LLGL2: variants seen among roughly 807,000 people sequenced by gnomAD.
The protein encoded by LLGL2 is LLGL scribble cell polarity complex component 2.
A neutral mutation model predicts 123.2 loss-of-function variants in LLGL2; 81 were observed. That is an observed-to-expected ratio of 0.66 (90% confidence interval 0.55 to 0.79). LLGL2 has a LOEUF of 0.79. Among genes scored for constraint, LLGL2 ranks in the 30% least tolerant of loss-of-function variants. The pLI is 0.00. For synonymous variants in LLGL2, 577 were observed against 594.1 expected (o/e 0.97, Z 0.42); for missense variants, 1,273 against 1,414.6 (o/e 0.90, Z 1.61).
In LLGL2 at chr17:75,559,887, G is replaced by T. The variant is rs1051586252; in HGVS notation, c.530+477G>T. 6.6e-6 allele frequency among the ~76,000 whole-genome samples: 1 copy of T among 152,212 alleles called. No individual in the cohort carries two copies. Among genetic ancestry groups the T allele is most frequent in the African/African-American group, 2.4e-5 (1 of 41,464 alleles). On this transcript the variant is annotated intron_variant, in intron 6 of 25. Transcript: ENST00000392550. This position sits in a 1 kb window ranked among gnomAD's most constrained non-coding sequence, Gnocchi z 4.6. Reference sequence around the variant, plus strand: ...TGGGTCTGTTGAGATCGTTTCAGAAGCTTTGCTCCTTGTTGATGATACTAC... The same window carrying T: ...TGGGTCTGTTGAGATCGTTTCAGAATCTTTGCTCCTTGTTGATGATACTAC...
intron 2 of LLGL2, among the ~76,000 whole-genome samples, chr17:75,551,390 A>G (rs984774082): frequency 9.3e-5 from 14 of 150,404 alleles, no homozygotes; most frequent in Non-Finnish European, 4.4e-5. Flanking sequence ...CAGCTCATCC[A>G]CGACCAGATG....
Position 75,570,250 on chromosome 17 carries a change from T to C in LLGL2, c.1869T>C (p.Phe623=). Residue 623 remains phenylalanine (F), a synonymous_variant, in exon 15 of 26, where the codon TTT becomes TTC. Coordinates refer to ENST00000392550, the MANE Select transcript of LLGL2 (RefSeq NM_001031803.2). The part of the protein sequence containing the change: ...LFDHQQRRQV[F]VKCTLHPSDQ... ...ACCACCAGCAGCGGCGGCAGGTCTT[T>C]GTTAAGTGAGCAGGGGCGGCTGGGT... The C allele has an allele frequency of 6.2e-7, 1 of 1,601,888 alleles. No individual in the cohort carries two copies. Among genetic ancestry groups the C allele is most frequent in the South Asian group, 1.1e-5 (1 of 89,966 alleles).
At chr17:75,572,681 A>AAAAAC (rs2055776603) in intron 19 of LLGL2, among the ~76,000 whole-genome samples, 8 of 147,590 alleles carry the variant, frequency 5.4e-5, no homozygotes, top group Non-Finnish European at 7.5e-5. Context: ...AAAAAAAAAA[A>AAAAAC]CCAGCATGGT....
intron 2 of LLGL2, among the ~76,000 whole-genome samples, chr17:75,550,266 G>T (rs932252684): frequency 6.6e-6 from 1 of 152,328 alleles, no homozygotes; most frequent in Non-Finnish European, 1.5e-5. Flanking sequence ...CAGGAAGGCA[G>T]CCCTGGGGCT....
In LLGL2 at chr17:75,562,770, A is replaced by G. The variant is rs1226189471; in HGVS notation, c.531-246A>G. The G allele has an allele frequency of 7.3e-6, 4 of 545,316 alleles. No homozygotes were observed. In the Admixed American group the frequency reaches 1.2e-4, roughly 17 times the overall value. The allele number at this position is 545,316 out of a possible 1,614,324, so 33.8% of individuals were successfully genotyped here. ...TTTTTAGTAGAGACAGGGTTTTGCCATGTTGGCCAGGCTGCTCTCAAACTC... is the reference window on the plus strand; with the variant it reads ...TTTTTAGTAGAGACAGGGTTTTGCCGTGTTGGCCAGGCTGCTCTCAAACTC... On this transcript the variant is annotated intron_variant, in intron 6 of 25. Coordinates refer to ENST00000392550, the MANE Select transcript of LLGL2 (RefSeq NM_001031803.2).
At chr17:75,574,028 C>T (rs1384052322) in intron 22 of LLGL2, 48 bp downstream of exon 22, 3 of 1,550,356 alleles carry the variant, frequency 1.9e-6, no homozygotes, top group African/African-American at 2.7e-5. Context: ...ACACCCGGCC[C>T]AGACCTGGGG....
At chr17:75,529,638 G>A (rs2053702670) in intron 1 of LLGL2, among the ~76,000 whole-genome samples, 1 of 151,920 alleles carries the variant, frequency 6.6e-6, no homozygotes, top group Non-Finnish European at 1.5e-5. Context: ...CGAGGCAGAC[G>A]GATCATGAGG....
intron 10 of LLGL2, chr17:75,568,148 G>A: frequency 8.0e-7 from 1 of 1,245,050 alleles, no homozygotes; most frequent in Non-Finnish European, 1.0e-6. Flanking sequence ...GGGAGAGCAG[G>A]CCCCATGGAG....
In LLGL2 at chr17:75,563,425, C is replaced by A; in HGVS notation, c.788C>A (p.Ala263Asp). ...TGCCAGTGGCCCGTGTCCAGCGAAG[C>A]CCAGCAACCAGAGCCCCTCCGCAGC... is the stretch of plus-strand genomic sequence containing the variant. ...SYCQWPVSSE[A>D]QQPEPLRSLV... is the part of the protein sequence containing the mutation. The change falls in exon 8 of 26, where the codon GCC becomes GAC. Residue 263 changes from alanine (A) to aspartate (D), a missense_variant. Ala to Asp is a moderately radical substitution (Grantham distance 126). Transcript: ENST00000392550. 1 of 1,612,814 alleles carries A rather than the reference C, an allele frequency of 6.2e-7. No individual in the cohort carries two copies. Among genetic ancestry groups the A allele is most frequent in the Non-Finnish European group, 8.5e-7 (1 of 1,180,026 alleles).
At chr17:75,542,196 C>T (rs958669697) in intron 1 of LLGL2, among the ~76,000 whole-genome samples, 1 of 152,014 alleles carries the variant, frequency 6.6e-6, no homozygotes, top group African/African-American at 2.4e-5. Context: ...ATTTTTGCCA[C>T]CTCCCAAGAA....
chr17:75,563,956 G>C (rs569776597), intron 9 of LLGL2, 150 bp downstream of exon 9: 1 of 783,768 alleles, frequency 1.3e-6, no homozygotes, highest in East Asian at 2.6e-5. Flanking sequence ...AGACAGGGTA[G>C]ACGCTATTCA....
chr17:75,554,918 C>G (rs1028830409), intron 2 of LLGL2, among the ~76,000 whole-genome samples: 1 of 139,988 alleles, frequency 7.1e-6, no homozygotes, highest in Non-Finnish European at 1.5e-5. Context: ...TGGCTGGGTG[C>G]GGGTGGCTCA....
intron 1 of LLGL2, among the ~76,000 whole-genome samples, chr17:75,528,567 T>C (rs1039903303): frequency 1.3e-5 from 2 of 152,082 alleles, no homozygotes; most frequent in Non-Finnish European, 2.9e-5. Context: ...GGAGATACCC[T>C]GTCTCTATTA....
chr17:75,571,750 C>T lies in LLGL2; in HGVS notation c.2260C>T (p.Arg754Trp), dbSNP rs1019147525. ...AFSLRVPPAE[R>W]RMDEPVRAEQ... ...CTCCCTGCGTGTGCCTCCCGCCGAGCGGAGAATGGATGAGCCTGTGCGGGC... is the reference window on the plus strand; with the variant it reads ...CTCCCTGCGTGTGCCTCCCGCCGAGTGGAGAATGGATGAGCCTGTGCGGGC... Residue 754 changes from arginine (R) to tryptophan (W), a missense_variant, in exon 18 of 26, where the codon CGG (arginine) becomes TGG (tryptophan). Coordinates refer to ENST00000392550, the MANE Select transcript of LLGL2 (RefSeq NM_001031803.2). The T allele has an allele frequency of 1.9e-5, 31 of 1,608,744 alleles. No individual in the cohort carries two copies. The highest frequency in any genetic ancestry group is 9.3e-5 in the African/African-American group (7 of 75,044).
At chr17:75,526,517 C>T (rs902342679) in intron 1 of LLGL2, among the ~76,000 whole-genome samples, 11 of 152,138 alleles carry the variant, frequency 7.2e-5, no homozygotes, top group African/African-American at 1.7e-4. Flanking sequence ...TCCGGCTGGA[C>T]GATTGGTGGA....
intron 10 of LLGL2, among the ~76,000 whole-genome samples, chr17:75,566,740 G>A (rs1451193005): frequency 2.0e-5 from 3 of 152,182 alleles, no homozygotes. Context: ...TTTGCTGGGA[G>A]CACCAGGAAT....
At position 75,558,204 on chromosome 17, in the gene LLGL2, G is replaced by T. The variant is rs1325397060; in HGVS notation, c.223G>T (p.Ala75Ser). 1 of 1,613,540 alleles carries T rather than the reference G, an allele frequency of 6.2e-7. No individual in the cohort carries two copies. Among genetic ancestry groups the T allele is most frequent in the Non-Finnish European group, 8.5e-7 (1 of 1,179,948 alleles). ...EFMGLHQENN[A>S]VTQIHLLPGQ... is the part of the protein sequence containing the mutation. Reference sequence around the variant, plus strand: ...CATGGGGCTGCACCAGGAGAACAACGCTGTGACGCAGATCCACCTCCTGCC... The same window carrying T: ...CATGGGGCTGCACCAGGAGAACAACTCTGTGACGCAGATCCACCTCCTGCC... Residue 75 changes from alanine (A) to serine (S), a missense_variant, in exon 4 of 26, where the codon GCT (alanine) becomes TCT (serine). Coordinates refer to ENST00000392550, the MANE Select transcript of LLGL2 (RefSeq NM_001031803.2). The surrounding 1 kb of genome is among the most constrained non-coding windows in gnomAD (Gnocchi z 4.0).
chr17:75,557,832 A>G lies in LLGL2; in HGVS notation c.174-323A>G, dbSNP rs558508744. 108 of 403,020 alleles carry G rather than the reference A, an allele frequency of 2.7e-4. 1 individual carries two copies. The highest frequency in any genetic ancestry group is 2.1e-3 in the African/African-American group (101 of 48,676). 25.0% of individuals were successfully genotyped at this position (403,020 alleles called of 1,614,324 possible). The stretch of plus-strand genomic sequence containing the variant: ...GTTTTTTCACAGGTGCTACCAAGCG[A>G]CAGCCAACATGTCTTTTGCAGCTCA... On this transcript the variant is annotated intron_variant, in intron 3 of 25. Transcript: ENST00000392550.
At chr17:75,543,998 C>G (rs2054313685) in intron 2 of LLGL2, among the ~76,000 whole-genome samples, 1 of 152,176 alleles carries the variant, frequency 6.6e-6, no homozygotes, top group Non-Finnish European at 1.5e-5. Context: ...GTGATTCCTT[C>G]TGGCTCCGGC....
Sources: gnomAD v4.1 joint callset for allele counts (sites outside exome capture counted in the v4.1 genomes callset) on GRCh38, gnomAD v4.1.1 for gene constraint, Gnocchi (gnomAD v3.1) non-coding constraint, MANE v1.5 for transcripts, NCBI Gene and HGNC (gene_info 2026-07-23, HGNC 2026-07-21) for gene names.